RALGAPB: variants seen among roughly 807,000 people sequenced by gnomAD.
RALGAPB encodes the protein ral GTPase-activating protein subunit beta.
Under a neutral mutation model 161.1 loss-of-function variants are expected in RALGAPB, and 25 were observed. The ratio of observed to expected loss-of-function variants is 0.16; its 90% CI spans 0.11 to 0.22. The LOEUF is 0.22. RALGAPB is among the 10% of genes least tolerant of loss of function. The pLI is 1.00. For synonymous variants in RALGAPB, 629 were observed against 626.1 expected (o/e 1.00, Z -0.07); for missense variants, 1,391 against 1,815.2 (o/e 0.77, Z 4.25).
intron 1 of RALGAPB, among the ~76,000 whole-genome samples, chr20:38,478,944 C>G (rs2084885132): frequency 1.3e-5 from 2 of 152,188 alleles, no homozygotes; most frequent in South Asian, 2.1e-4. Flanking sequence ...AGAGATGAGG[C>G]TTTGCCATAT....
At chr20:38,512,630 C>T (rs949442233) in intron 6 of RALGAPB, among the ~76,000 whole-genome samples, 3 of 152,296 alleles carry the variant, frequency 2.0e-5, no homozygotes, top group South Asian at 2.1e-4. Flanking sequence ...ACTGTTTTGG[C>T]ACCTTTTTTG....
intron 17 of RALGAPB, among the ~76,000 whole-genome samples, chr20:38,540,690 T>G (rs1702160724): frequency 6.6e-6 from 1 of 152,194 alleles, no homozygotes. Context: ...CCAGAGATGG[T>G]GTCTGTCTCT....
intron 12 of RALGAPB, 53 bp from the exon 13 acceptor site, chr20:38,525,842 G>T: frequency 6.4e-7 from 1 of 1,562,426 alleles, no homozygotes; most frequent in Non-Finnish European, 8.8e-7. Flanking sequence ...GTTCCCACAT[G>T]GGCATCATAA....
chr20:38,537,062 C>T (rs2086827573), intron 16 of RALGAPB, among the ~76,000 whole-genome samples: 3 of 152,150 alleles, frequency 2.0e-5, no homozygotes, highest in Non-Finnish European at 4.4e-5. Context: ...CTGGACCTGC[C>T]TAACAATTCA....
chr20:38,574,076 G>C, intron 28 of RALGAPB, 74 bp from the exon 29 acceptor site: 2 of 1,443,530 alleles, frequency 1.4e-6, no homozygotes, highest in Non-Finnish European at 1.9e-6. Flanking sequence ...GCTATATGTG[G>C]GGGACTTCAA....
At chr20:38,556,028 G>A (rs928580832) in intron 22 of RALGAPB, among the ~76,000 whole-genome samples, 32 of 152,108 alleles carry the variant, frequency 2.1e-4, no homozygotes, top group Non-Finnish European at 5.9e-5. Context: ...CCCATTAGCA[G>A]TTCAGTCAGT....
intron 6 of RALGAPB, 135 bp from the exon 7 acceptor site, chr20:38,516,057 G>T: frequency 3.2e-6 from 2 of 620,010 alleles, no homozygotes; most frequent in East Asian, 3.1e-5. Context: ...TGAATCGCTG[G>T]CCCATTAAAT....
rs73905621 is a variant in RALGAPB, at chr20:38,479,875, T to A, written c.-31+6806T>A. Reference sequence around the variant, plus strand: ...AGCCTATATGGTAGCCACATTGGAGTTTGCTCTTCTACTATCCCTTCAGTG... The same window carrying A: ...AGCCTATATGGTAGCCACATTGGAGATTGCTCTTCTACTATCCCTTCAGTG... On this transcript the variant is annotated intron_variant, in intron 1 of 29. Transcript: ENST00000262879. Among the ~76,000 whole-genome samples, 174 of 152,306 alleles carry A rather than the reference T, an allele frequency of 1.1e-3. 1 individual carries two copies. Among genetic ancestry groups the A allele is most frequent in the African/African-American group, 4.2e-3 (174 of 41,564 alleles).
chr20:38,516,492 C>A, intron 7 of RALGAPB, 122 bp downstream of exon 7: 1 of 990,480 alleles, frequency 1.0e-6, no homozygotes, highest in Non-Finnish European at 1.4e-6. Context: ...TGACAAATAA[C>A]AAGCGAGGAA....
chr20:38,539,819 G>C lies in RALGAPB; in HGVS notation c.2423G>C (p.Ser808Thr). 1 of 1,614,058 alleles carries C rather than the reference G, an allele frequency of 6.2e-7. No individual in the cohort carries two copies. The part of the protein sequence containing the change: ...VDSGDRKRAI[S>T]SVCTYIVYQC... ...TCAGGAGACCGGAAGCGAGCCATCA[G>C]TTCTGTGTGCACCTACATTGTTTAT... The change falls in exon 17 of 30, where the codon AGT becomes ACT. Residue 808 changes from serine to threonine, a missense_variant. Ser to Thr is a moderately conservative substitution (Grantham distance 58, BLOSUM62 1). This residue lies in a region of RALGAPB where 946 missense variants were observed against 1,257.2 expected (regional missense o/e 0.75). Transcript: ENST00000262879.
chr20:38,546,071 A>G (rs1198399679), intron 18 of RALGAPB, among the ~76,000 whole-genome samples, 172 bp from the exon 19 acceptor site: 1 of 148,962 alleles, frequency 6.7e-6, no homozygotes, highest in Admixed American at 6.6e-5. Flanking sequence ...CTTGGAGGGG[A>G]GAGTCTGGAC....
intron 20 of RALGAPB, among the ~76,000 whole-genome samples, chr20:38,549,214 ATATAT>A (rs1568965768): frequency 2.0e-5 from 3 of 152,056 alleles, no homozygotes; most frequent in Non-Finnish European, 4.4e-5. Context: ...ATAATTGGTA[ATATAT>A]TGTATAAATT....
At chr20:38,487,202 G>A (rs1036969316) in intron 1 of RALGAPB, among the ~76,000 whole-genome samples, 3 of 152,202 alleles carry the variant, frequency 2.0e-5, no homozygotes, top group Non-Finnish European at 4.4e-5. Flanking sequence ...AGGATTTGCT[G>A]GGCTTGAGCA....
At chr20:38,557,290 G>A (rs1350594422) in intron 22 of RALGAPB, among the ~76,000 whole-genome samples, 2 of 152,204 alleles carry the variant, frequency 1.3e-5, no homozygotes, top group Admixed American at 6.5e-5. Context: ...CCACAGCCCA[G>A]TTTCCCCTGT....
At position 38,576,457 on chromosome 20, in the gene RALGAPB, C is replaced by T. The variant is rs938988809; in HGVS notation, c.*1490C>T. On this transcript the variant is annotated 3_prime_UTR_variant, in exon 30 of 30. Coordinates refer to ENST00000262879, the MANE Select transcript of RALGAPB (RefSeq NM_020336.4). ...CTTATTCCAGAAATGTGCATTTTGT[C>T]ATCTATAAGCAAGAAATATGGGCAT... is the stretch of plus-strand genomic sequence containing the variant. The T allele has an allele frequency of 6.6e-6, 1 of 152,322 alleles. No homozygotes were observed. The highest frequency in any genetic ancestry group is 6.5e-5 in the Admixed American group (1 of 15,270). 9.4% of individuals were successfully genotyped at this position (152,322 alleles called of 1,614,324 possible).
At position 38,499,554 on chromosome 20, in the gene RALGAPB, A is replaced by G. The variant is rs1419128347; in HGVS notation, c.661A>G (p.Lys221Glu). 5.0e-6 allele frequency: 8 copies of G among 1,613,920 alleles called. No individual in the cohort carries two copies. The highest frequency in any genetic ancestry group is 5.1e-6 in the Non-Finnish European group (6 of 1,179,986). The change falls in exon 5 of 30, where the codon AAG becomes GAG. Residue 221 changes from lysine to glutamate, a missense_variant. Physicochemically the swap from Lys to Glu is moderately conservative, Grantham distance 56. Coordinates refer to ENST00000262879, the MANE Select transcript of RALGAPB (RefSeq NM_020336.4). ...AACACCTCCTTATTGGAAAACAGCC[A>G]AGGAGATGGTGGCTAACTGGAGGCA... The part of the protein sequence containing the change: ...FPTPPYWKTA[K>E]EMVANWRHHP...
intron 18 of RALGAPB, among the ~76,000 whole-genome samples, chr20:38,545,293 A>G (rs1156578097): frequency 1.3e-5 from 2 of 152,204 alleles, no homozygotes; most frequent in Admixed American, 6.5e-5. Context: ...ATAATGGTAT[A>G]TGGGAATAAT....
intron 6 of RALGAPB, among the ~76,000 whole-genome samples, chr20:38,513,575 G>A (rs1025965087): frequency 2.6e-5 from 4 of 151,660 alleles, no homozygotes; most frequent in Non-Finnish European, 4.4e-5. Flanking sequence ...GCTTGAACCC[G>A]GGAGGCAGAG....
chr20:38,543,000 G>A (rs2087023446), intron 18 of RALGAPB, among the ~76,000 whole-genome samples: 1 of 152,208 alleles, frequency 6.6e-6, no homozygotes, highest in Non-Finnish European at 1.5e-5. Context: ...TCCTAGCCTG[G>A]ATGGGGTGTT....
Sources: gnomAD v4.1 joint callset for allele counts (sites outside exome capture counted in the v4.1 genomes callset) on GRCh38, gnomAD v4.1.1 for gene constraint, gnomAD v4.1.1 regional missense constraint, MANE v1.5 for transcripts, NCBI Gene and HGNC (gene_info 2026-07-23, HGNC 2026-07-21) for gene names.